PPM1H: variants seen among roughly 807,000 people sequenced by gnomAD.
PPM1H encodes the protein protein phosphatase 1H.
Under a neutral mutation model 54.9 loss-of-function variants are expected in PPM1H, and 27 were observed. The observed-to-expected ratio is 0.49, with a 90% CI of 0.36 to 0.68. The LOEUF (loss-of-function observed/expected upper bound fraction) is 0.68. PPM1H is among the 30% of genes least tolerant of loss of function. PPM1H has a pLI of 0.00. For synonymous variants in PPM1H, 305 were observed against 270.8 expected, an observed-to-expected ratio of 1.13 and a Z score of -1.24; for missense variants, 596 against 667.8, an observed-to-expected ratio of 0.89 and a Z score of 1.19.
At chr12:62,829,029 GAAA>G (rs1277143903) in intron 2 of PPM1H, among the ~76,000 whole-genome samples, 4 of 152,086 alleles carry the variant, frequency 2.6e-5, no homozygotes, top group African/African-American at 9.7e-5. Flanking sequence ...CAGCCACTGT[GAAA>G]AACGGTGGTA....
chr12:62,682,345 G>A (rs948721190), intron 8 of PPM1H, among the ~76,000 whole-genome samples: 17 of 152,298 alleles, frequency 1.1e-4, no homozygotes, highest in African/African-American at 2.4e-4. Context: ...GGGCCAGACT[G>A]TAGAAAGCAC....
At chr12:62,864,488 T>C (rs894415643) in intron 1 of PPM1H, among the ~76,000 whole-genome samples, 3 of 152,232 alleles carry the variant, frequency 2.0e-5, no homozygotes. Flanking sequence ...ATATAGAATT[T>C]TAGCTTTGCA....
intron 4 of PPM1H, among the ~76,000 whole-genome samples, chr12:62,764,926 A>C (rs2120625890): frequency 6.6e-6 from 1 of 152,320 alleles, no homozygotes; most frequent in African/African-American, 2.4e-5. Flanking sequence ...GAGCTGGACA[A>C]AGCCATGCGT....
At chr12:62,791,887 C>A (rs1205243566) in intron 3 of PPM1H, among the ~76,000 whole-genome samples, 1 of 152,148 alleles carries the variant, frequency 6.6e-6, no homozygotes, top group African/African-American at 2.4e-5. Flanking sequence ...TCGCACCACA[C>A]CACTGCACTC....
chr12:62,650,060 A>C (rs2075807183), intron 9 of PPM1H, among the ~76,000 whole-genome samples: 1 of 152,168 alleles, frequency 6.6e-6, no homozygotes, highest in Non-Finnish European at 1.5e-5. Flanking sequence ...TGAGTTATGG[A>C]ATTCAGAACC....
chr12:62,926,701 T>TC (rs1192126213), intron 1 of PPM1H, among the ~76,000 whole-genome samples: 1 of 152,212 alleles, frequency 6.6e-6, no homozygotes, highest in African/African-American at 2.4e-5. Flanking sequence ...ACTCCTGTAA[T>TC]CCCAGCACTT....
intron 3 of PPM1H, among the ~76,000 whole-genome samples, chr12:62,791,003 C>A (rs2076698402): frequency 6.6e-6 from 1 of 152,136 alleles, no homozygotes; most frequent in Non-Finnish European, 1.5e-5. Flanking sequence ...TCATCTTAGA[C>A]CCTCAACACC....
intron 2 of PPM1H, among the ~76,000 whole-genome samples, chr12:62,821,210 G>A (rs1471053155): frequency 1.3e-5 from 2 of 152,090 alleles, no homozygotes; most frequent in Non-Finnish European, 2.9e-5. Context: ...AGTGAGAGGA[G>A]AAGTTTAGAG....
At chr12:62,757,704 A>C (rs541029676) in intron 4 of PPM1H, among the ~76,000 whole-genome samples, 3 of 152,342 alleles carry the variant, frequency 2.0e-5, no homozygotes, top group African/African-American at 7.2e-5. Context: ...CCACTCCAGA[A>C]AACACTCGGA....
chr12:62,670,126 T>TGC (rs1565751119), intron 8 of PPM1H, among the ~76,000 whole-genome samples: 8 of 151,256 alleles, frequency 5.3e-5, no homozygotes, highest in Admixed American at 3.3e-4. Context: ...TACAGGCATG[T>TGC]GCCACCACGC....
intron 2 of PPM1H, among the ~76,000 whole-genome samples, chr12:62,819,674 T>C (rs1248295924): frequency 6.6e-6 from 1 of 152,234 alleles, no homozygotes; most frequent in African/African-American, 2.4e-5. Flanking sequence ...GTTGTTGTTG[T>C]TGTTTTACTT....
At chr12:62,727,631 A>G (rs2076296988) in intron 5 of PPM1H, among the ~76,000 whole-genome samples, 1 of 105,804 alleles carries the variant, frequency 9.5e-6, no homozygotes, top group African/African-American at 3.0e-5. Context: ...TGATATTAAA[A>G]TGCAAATATT....
intron 6 of PPM1H, among the ~76,000 whole-genome samples, chr12:62,699,446 C>T (rs2076131716): frequency 6.6e-6 from 1 of 152,230 alleles, no homozygotes; most frequent in Non-Finnish European, 1.5e-5. Context: ...CATACGCCTG[C>T]CTTGGCCTCC....
chr12:62,677,719 ACAGGCCCAG>A (rs2075995773), intron 8 of PPM1H, among the ~76,000 whole-genome samples: 1 of 152,184 alleles, frequency 6.6e-6, no homozygotes, highest in Non-Finnish European at 1.5e-5. Context: ...AGTGGGCAGA[ACAGGCCCAG>A]CGGGCCCAAG....
chr12:62,801,724 G>C (rs1305653213), intron 3 of PPM1H, 92 bp downstream of exon 3: 1 of 1,380,964 alleles, frequency 7.2e-7, no homozygotes, highest in Non-Finnish European at 9.9e-7. Context: ...CAGCAAAACC[G>C]TGCGCTTTCT....
At chr12:62,796,572 C>A (rs563566686) in intron 3 of PPM1H, among the ~76,000 whole-genome samples, 283 of 152,290 alleles carry the variant, frequency 1.9e-3, no homozygotes, top group Middle Eastern at 3.4e-3. Context: ...AGCTTCCATG[C>A]CCTCACTTGG....
chr12:62,885,514 C>T (rs943791201), intron 1 of PPM1H, among the ~76,000 whole-genome samples: 26 of 152,176 alleles, frequency 1.7e-4, no homozygotes, highest in Non-Finnish European at 3.5e-4. Flanking sequence ...ATCCCTTCTA[C>T]CATATAATGT....
intron 4 of PPM1H, among the ~76,000 whole-genome samples, chr12:62,762,737 C>T (rs867084000): frequency 7.2e-4 from 110 of 152,234 alleles, no homozygotes; most frequent in African/African-American, 2.5e-3. Context: ...GGCTTTGGGT[C>T]TCTTCTTCAG....
chr12:62,845,275 A>C (rs1868920058), intron 1 of PPM1H, among the ~76,000 whole-genome samples: 1 of 152,370 alleles, frequency 6.6e-6, no homozygotes, highest in African/African-American at 2.4e-5. Context: ...GGAAATGTCC[A>C]AAAGCTGGCT....
Sources: gnomAD v4.1 joint callset for allele counts (sites outside exome capture counted in the v4.1 genomes callset) on GRCh38, gnomAD v4.1.1 for gene constraint, MANE v1.5 for transcripts, NCBI Gene and HGNC (gene_info 2026-07-23, HGNC 2026-07-21) for gene names.